Variants in KAZN observed in about 807,000 individuals in gnomAD.
KAZN encodes the protein kazrin.
KAZN carries 40 observed loss-of-function variants against 87.4 expected under a neutral mutation model. That is an observed-to-expected ratio of 0.46 (90% CI 0.36 to 0.60). The LOEUF is 0.60. KAZN is among the 20% of genes least tolerant of loss of function. KAZN has a pLI of 0.00. For synonymous variants in KAZN, 466 were observed against 458.3 expected (o/e 1.02, Z -0.22); for missense variants, 898 against 1,073.9 (o/e 0.84, Z 2.29).
intron 1 of KAZN, among the ~76,000 whole-genome samples, chr1:13,969,748 T>C (rs141247125): frequency 6.6e-6 from 1 of 152,290 alleles, no homozygotes; most frequent in African/African-American, 2.4e-5. Flanking sequence ...ACACCAGTCT[T>C]CACTTGGATA....
In KAZN at chr1:14,403,936, G is replaced by GAC. The variant is rs201986831; in HGVS notation, c.250-195046_250-195045insCA. 4.6e-5 allele frequency among the ~76,000 whole-genome samples: 7 copies of GAC among 151,986 alleles called. No homozygotes were observed. The East Asian group carries it at 9.7e-4, about 21-fold the overall frequency. Reference sequence around the variant, plus strand: ...AAGAAAAAGAAGAGGTCTCTGCGCAGAGAGGTCCCGGAGAAAATGGGTTGC... The same window carrying GAC: ...AAGAAAAAGAAGAGGTCTCTGCGCAGACAGAGGTCCCGGAGAAAATGGGTTGC... On this transcript the variant is annotated intron_variant, in intron 2 of 16. Transcript: ENST00000636203.
At chr1:14,454,314 C>A (rs1412879790) in intron 2 of KAZN, among the ~76,000 whole-genome samples, 1 of 152,200 alleles carries the variant, frequency 6.6e-6, no homozygotes, top group African/African-American at 2.4e-5. Flanking sequence ...ACACATTCAA[C>A]ACCATTTAGT....
At chr1:14,756,803 A>C (rs998813349) in intron 1 of KAZN, among the ~76,000 whole-genome samples, 1 of 151,272 alleles carries the variant, frequency 6.6e-6, no homozygotes, top group African/African-American at 2.5e-5. Flanking sequence ...TTGTTGAAAG[A>C]AGAACAATTA....
chr1:13,998,662 G>A (rs1035837086), intron 1 of KAZN, among the ~76,000 whole-genome samples: 6 of 151,404 alleles, frequency 4.0e-5, no homozygotes, highest in Non-Finnish European at 8.8e-5. Context: ...AACAAGAAGA[G>A]CTAACTATTC....
chr1:14,896,782 G>C (rs1655326663), intron 1 of KAZN, among the ~76,000 whole-genome samples: 1 of 152,088 alleles, frequency 6.6e-6, no homozygotes, highest in Admixed American at 6.5e-5. Flanking sequence ...TTGTGATCTG[G>C]GTTCTAGAGA....
intron 8 of KAZN, among the ~76,000 whole-genome samples, chr1:15,093,855 C>T (rs2100680352): frequency 6.6e-6 from 1 of 152,284 alleles, no homozygotes; most frequent in Middle Eastern, 3.4e-3. Flanking sequence ...GTTTGTGTGA[C>T]CCAGTTCCCG....
At chr1:14,652,073 G>A (rs1007722127) in intron 1 of KAZN, among the ~76,000 whole-genome samples, 1 of 152,172 alleles carries the variant, frequency 6.6e-6, no homozygotes, top group Non-Finnish European at 1.5e-5. Context: ...AGATCACCAG[G>A]CCATATGTGA....
intron 2 of KAZN, among the ~76,000 whole-genome samples, chr1:14,476,355 C>T (rs1668723457): frequency 6.6e-6 from 1 of 152,180 alleles, no homozygotes; most frequent in Non-Finnish European, 1.5e-5. Context: ...ACTTTATCAT[C>T]CCTTTGCTTA....
At chr1:14,336,793 T>G (rs570293499) in intron 2 of KAZN, among the ~76,000 whole-genome samples, 1 of 152,234 alleles carries the variant, frequency 6.6e-6, no homozygotes, top group Non-Finnish European at 1.5e-5. Context: ...CATACATAAA[T>G]TTTCTTTGTC....
chr1:14,164,223 T>G (rs2100219696), intron 1 of KAZN, among the ~76,000 whole-genome samples: 1 of 152,324 alleles, frequency 6.6e-6, no homozygotes, highest in South Asian at 2.1e-4. Context: ...TCATGCAAGC[T>G]TAGGGTTTCT....
At chr1:14,890,478 A>G (rs1654579259) in intron 1 of KAZN, among the ~76,000 whole-genome samples, 1 of 150,888 alleles carries the variant, frequency 6.6e-6, no homozygotes, top group Non-Finnish European at 1.5e-5. Flanking sequence ...AAAGCTGAAC[A>G]TTTTTAAAAT....
Position 14,388,342 on chromosome 1 carries a change from CT to C in KAZN, c.249+207751del, listed in dbSNP as rs548877133. ...ATTCAGACATCTTGGCTCTTCCCCCCTAGAAGAAACAATTCTAAACTTCATA... is the reference window on the plus strand; with the variant it reads ...ATTCAGACATCTTGGCTCTTCCCCCCAGAAGAAACAATTCTAAACTTCATA... On this transcript the variant is annotated intron_variant, in intron 2 of 16. Transcript: ENST00000636203. Among the ~76,000 whole-genome samples, 135 of 152,238 alleles carry C rather than the reference CT, an allele frequency of 8.9e-4. 1 individual carries two copies. Among genetic ancestry groups the C allele is most frequent in the Non-Finnish European group, 1.6e-3 (110 of 67,976 alleles).
chr1:14,257,942 A>AT (rs1262380580), intron 2 of KAZN, among the ~76,000 whole-genome samples: 34 of 108,340 alleles, frequency 3.1e-4, no homozygotes, highest in African/African-American at 1.5e-3. Flanking sequence ...TTAGAGTATA[A>AT]TAAAAAAAAA....
chr1:14,733,988 C>G (rs1177608189), intron 1 of KAZN, among the ~76,000 whole-genome samples: 1 of 152,214 alleles, frequency 6.6e-6, no homozygotes, highest in African/African-American at 2.4e-5. Context: ...GCCCTTCCCT[C>G]TGCCCAGGAT....
intron 2 of KAZN, among the ~76,000 whole-genome samples, chr1:14,422,872 C>T (rs1665513555): frequency 6.6e-6 from 1 of 152,176 alleles, no homozygotes; most frequent in African/African-American, 2.4e-5. Flanking sequence ...AATAATTTCC[C>T]TATGGAAGCT....
chr1:14,181,061 C>T (rs1014242145), intron 2 of KAZN, among the ~76,000 whole-genome samples: 2 of 152,158 alleles, frequency 1.3e-5, no homozygotes, highest in African/African-American at 4.8e-5. Flanking sequence ...AGGTATTTAG[C>T]TCATTGTAGG....
At chr1:15,102,315 A>G (rs1221041617) in intron 11 of KAZN, among the ~76,000 whole-genome samples, 1 of 152,232 alleles carries the variant, frequency 6.6e-6, no homozygotes, top group Admixed American at 6.5e-5. Context: ...AGAGATAGCA[A>G]CGACTAAATT....
At chr1:15,104,497 G>C (rs1641226671) in intron 13 of KAZN, among the ~76,000 whole-genome samples, 1 of 152,210 alleles carries the variant, frequency 6.6e-6, no homozygotes, top group Admixed American at 6.5e-5. Context: ...GTAAGGAAAG[G>C]CCACGTGCAG....
chr1:15,086,930 C>T (rs1240124968), intron 8 of KAZN, among the ~76,000 whole-genome samples: 1 of 152,216 alleles, frequency 6.6e-6, no homozygotes, highest in African/African-American at 2.4e-5. Flanking sequence ...TGGGCTCCAC[C>T]CCCAGAGTTT....
Sources: gnomAD v4.1 joint callset for allele counts (sites outside exome capture counted in the v4.1 genomes callset) on GRCh38, gnomAD v4.1.1 for gene constraint, MANE v1.5 for transcripts, NCBI Gene and HGNC (gene_info 2026-07-23, HGNC 2026-07-21) for gene names.